ATP2B4: variants seen among roughly 807,000 people sequenced by gnomAD.
The protein encoded by ATP2B4 is plasma membrane calcium-transporting ATPase 4.
A neutral mutation model predicts 110.3 loss-of-function variants in ATP2B4; 39 were observed. The observed-to-expected ratio is 0.35, with a 90% CI of 0.27 to 0.46. The LOEUF is 0.46. Ranked by LOEUF, ATP2B4 falls within the 20% of genes least tolerant of loss-of-function variation. ATP2B4 has a pLI of 1.00. For missense variants in ATP2B4, 1,135 were observed against 1,530.9 expected, an observed-to-expected ratio of 0.74 and a Z score of 4.32; for synonymous variants, 538 against 571.7, an observed-to-expected ratio of 0.94 and a Z score of 0.84.
chr1:203,646,726 G>A (rs1663812225), intron 1 of ATP2B4, among the ~76,000 whole-genome samples: 1 of 152,050 alleles, frequency 6.6e-6, no homozygotes, highest in Non-Finnish European at 1.5e-5. Context: ...TTGTGCCACT[G>A]CACTTCAGCC....
chr1:203,730,080 G>T (rs543350646), intron 20 of ATP2B4, among the ~76,000 whole-genome samples: 1 of 152,042 alleles, frequency 6.6e-6, no homozygotes, highest in East Asian at 1.9e-4. Flanking sequence ...GACCAAGGAG[G>T]ATGCTGAGGA....
chr1:203,657,411 T>C, intron 1 of ATP2B4: 2 of 760,676 alleles, frequency 2.6e-6, no homozygotes, highest in Admixed American at 3.8e-5. Flanking sequence ...TCCCACCTTC[T>C]CTTTTCATTT....
intron 2 of ATP2B4, among the ~76,000 whole-genome samples, chr1:203,686,598 C>G (rs1348697559): frequency 7.6e-6 from 1 of 131,840 alleles, no homozygotes; most frequent in African/African-American, 2.8e-5. Flanking sequence ...TAGCCTAGGA[C>G]TCCTAACACT....
intron 4 of ATP2B4, 144 bp from the exon 5 acceptor site, chr1:203,700,062 G>T: frequency 3.9e-6 from 4 of 1,015,230 alleles, no homozygotes; most frequent in Non-Finnish European, 5.8e-6. Flanking sequence ...CTTGTAAAGA[G>T]TCTCCATGTA....
At chr1:203,687,398 A>G (rs1665230174) in intron 2 of ATP2B4, among the ~76,000 whole-genome samples, 1 of 152,170 alleles carries the variant, frequency 6.6e-6, no homozygotes, top group African/African-American at 2.4e-5. Flanking sequence ...TAGGCAGACA[A>G]AAGATCCCCA....
At chr1:203,679,211 C>T (rs1334739300) in intron 1 of ATP2B4, among the ~76,000 whole-genome samples, 1 of 152,046 alleles carries the variant, frequency 6.6e-6, no homozygotes, top group Non-Finnish European at 1.5e-5. Flanking sequence ...GGTGTGAGCA[C>T]CTTCAGATTA....
rs542787337 is a variant in ATP2B4 at position 203,657,100 on chromosome 1, T to A, written c.-464-25642T>A. On this transcript the variant is annotated intron_variant, in intron 1 of 20. Transcript: ENST00000357681. ...GCTCACATTTACCTCAATGACAATATCTTTGGTAATAACACCCACAGTTGT... is the reference window on the plus strand; with the variant it reads ...GCTCACATTTACCTCAATGACAATAACTTTGGTAATAACACCCACAGTTGT... 9 of 833,158 alleles carry A rather than the reference T, an allele frequency of 1.1e-5. No homozygotes were observed. In the African/African-American group the frequency reaches 1.5e-4, roughly 14 times the overall value. 51.6% of individuals were successfully genotyped at this position (833,158 alleles called of 1,614,324 possible).
chr1:203,664,776 A>G (rs898620826), intron 1 of ATP2B4, among the ~76,000 whole-genome samples: 1 of 152,172 alleles, frequency 6.6e-6, no homozygotes, highest in African/African-American at 2.4e-5. Flanking sequence ...TGGTGACCCA[A>G]GGGAATGCCA....
Position 203,699,407 on chromosome 1 carries a change from C to T in ATP2B4, c.392-53C>T, listed in dbSNP as rs1665625033. 6 of 1,601,098 alleles carry T rather than the reference C, an allele frequency of 3.7e-6. No individual in the cohort carries two copies. The South Asian group carries it at 4.5e-5, about 12-fold the overall frequency. On this transcript the variant is annotated intron_variant, in intron 3 of 20. Transcript: ENST00000357681. Reference sequence around the variant, plus strand: ...GATTGTGGAAGCACTACTCCTATTTCTTAATGTCAACAAAAGCCCTTCAGT... The same window carrying T: ...GATTGTGGAAGCACTACTCCTATTTTTTAATGTCAACAAAAGCCCTTCAGT...
intron 1 of ATP2B4, among the ~76,000 whole-genome samples, chr1:203,640,264 C>G (rs1366010698): frequency 6.6e-6 from 1 of 152,180 alleles, no homozygotes; most frequent in African/African-American, 2.4e-5. Flanking sequence ...TGTGTGTTCC[C>G]ACTCCTGCTC....
At chr1:203,724,026 C>G in intron 19 of ATP2B4, 38 bp downstream of exon 19, 3 of 1,533,292 alleles carry the variant, frequency 2.0e-6, no homozygotes, top group Admixed American at 1.8e-5. Flanking sequence ...ATTCTCACAG[C>G]CTGCAGAACT....
chr1:203,716,458 G>T (rs1200247188), intron 15 of ATP2B4, among the ~76,000 whole-genome samples: 1 of 145,142 alleles, frequency 6.9e-6, no homozygotes, highest in Non-Finnish European at 1.5e-5. Context: ...ACTCCCAAAA[G>T]GAAAGCAAAT....
At chr1:203,667,729 G>A (rs1664549498) in intron 1 of ATP2B4, among the ~76,000 whole-genome samples, 1 of 152,182 alleles carries the variant, frequency 6.6e-6, no homozygotes, top group Non-Finnish European at 1.5e-5. Context: ...GCATGAAGGC[G>A]AGCTCTCTTT....
chr1:203,657,590 T>C, intron 1 of ATP2B4: 1 of 970,000 alleles, frequency 1.0e-6, no homozygotes, highest in African/African-American at 1.6e-5. Context: ...CATGACACTG[T>C]TTAAGGTAAA....
At position 203,723,968 on chromosome 1, in the gene ATP2B4, G is replaced by A; in HGVS notation, c.3112G>A (p.Gly1038Arg). The change falls in exon 19 of 21, where the codon GGA becomes AGA. Residue 1038 changes from glycine (G) to arginine (R), a missense_variant. This residue lies in a region of ATP2B4 where 155 missense variants were observed against 186.2 expected (regional missense o/e 0.83). Coordinates refer to ENST00000357681, the MANE Select transcript of ATP2B4 (RefSeq NM_001684.5). ...GCTGTGGTGTCTCTTCATTGGGATTGGAGAACTTCTGTGGGGCCAGGTGAG... is the reference window on the plus strand; with the variant it reads ...GCTGTGGTGTCTCTTCATTGGGATTAGAGAACTTCTGTGGGGCCAGGTGAG... ...QWLWCLFIGI[G>R]ELLWGQFISA... 1 of 1,611,112 alleles carries A rather than the reference G, an allele frequency of 6.2e-7. No individual in the cohort carries two copies. The highest frequency in any genetic ancestry group is 8.5e-7 in the Non-Finnish European group (1 of 1,178,822).
chr1:203,668,021 T>C (rs1389429372), intron 1 of ATP2B4, among the ~76,000 whole-genome samples: 1 of 152,200 alleles, frequency 6.6e-6, no homozygotes, highest in African/African-American at 2.4e-5. Flanking sequence ...TATGAAAGTT[T>C]CACTCTGCTT....
chr1:203,645,433 A>G (rs1440104732), intron 1 of ATP2B4, among the ~76,000 whole-genome samples: 2 of 151,974 alleles, frequency 1.3e-5, no homozygotes, highest in African/African-American at 4.8e-5. Context: ...TTGGTCCATT[A>G]TTCTGTGATC....
intron 8 of ATP2B4, among the ~76,000 whole-genome samples, chr1:203,706,349 G>A (rs188966301): frequency 6.6e-6 from 1 of 152,322 alleles, no homozygotes; most frequent in East Asian, 1.9e-4. Flanking sequence ...CTTTAAAAAG[G>A]CGGTAATAAT....
intron 8 of ATP2B4, among the ~76,000 whole-genome samples, chr1:203,704,902 T>C (rs184191654): frequency 2.4e-4 from 36 of 152,232 alleles, no homozygotes; most frequent in Middle Eastern, 6.8e-3. Flanking sequence ...CTTGTTAAAG[T>C]GTAGATTCAG....
Sources: gnomAD v4.1 joint callset for allele counts (sites outside exome capture counted in the v4.1 genomes callset) on GRCh38, gnomAD v4.1.1 for gene constraint, gnomAD v4.1.1 regional missense constraint, MANE v1.5 for transcripts, NCBI Gene and HGNC (gene_info 2026-07-23, HGNC 2026-07-21) for gene names.